The following COBLL1 variants were observed in gnomAD, a reference collection of about 807,000 sequenced individuals.
The protein encoded by COBLL1 is cordon-bleu WH2 repeat protein like 1, also known as cordon-bleu protein-like 1.
Under a neutral mutation model 94.8 loss-of-function variants are expected in COBLL1, and 50 were observed. The ratio of observed to expected loss-of-function variants is 0.53; its 90% CI spans 0.42 to 0.67. The LOEUF (loss-of-function observed/expected upper bound fraction) is 0.67. COBLL1 is among the 30% of genes least tolerant of loss of function. The pLI is 0.00. For synonymous variants in COBLL1, 448 were observed against 473.8 expected (o/e 0.95, Z 0.71); for missense variants, 1,362 against 1,348.7 (o/e 1.01, Z -0.15).
At chr2:164,728,225 T>C in intron 4 of COBLL1, 28 bp from the exon 5 acceptor site, 1 of 1,437,362 alleles carries the variant, frequency 7.0e-7, no homozygotes, top group African/African-American at 1.4e-5. Context: ...GCCATAGTTG[T>C]ACCATAATTC....
At chr2:164,760,465 T>C (rs1366501919) in intron 2 of COBLL1, among the ~76,000 whole-genome samples, 1 of 152,200 alleles carries the variant, frequency 6.6e-6, no homozygotes, top group African/African-American at 2.4e-5. Flanking sequence ...TGATAAAGAA[T>C]GGTGCAGTTA....
intron 7 of COBLL1, among the ~76,000 whole-genome samples, chr2:164,716,085 A>T (rs564357067): frequency 2.0e-5 from 3 of 152,326 alleles, no homozygotes; most frequent in Admixed American, 2.0e-4. Flanking sequence ...AGACCAGAAC[A>T]TCCTTTGGCC....
chr2:164,834,824 T>C (rs904985302), intron 2 of COBLL1, among the ~76,000 whole-genome samples: 13 of 152,220 alleles, frequency 8.5e-5, no homozygotes, highest in South Asian at 4.1e-4. Flanking sequence ...TTAAAACAGA[T>C]TGAAAAACAA....
At chr2:164,769,308 A>C (rs757374555) in intron 2 of COBLL1, among the ~76,000 whole-genome samples, 31 of 152,234 alleles carry the variant, frequency 2.0e-4, no homozygotes, top group Non-Finnish European at 2.9e-4. Context: ...GCCATTCAAC[A>C]ATCAGGCTGT....
chr2:164,798,554 G>C (rs1309974203), intron 2 of COBLL1, among the ~76,000 whole-genome samples: 1 of 152,232 alleles, frequency 6.6e-6, no homozygotes, highest in Admixed American at 6.5e-5. Flanking sequence ...TCAGGGCTGG[G>C]AAAGGAGTTG....
At chr2:164,773,669 A>G (rs569154102) in intron 2 of COBLL1, 6 of 885,814 alleles carry the variant, frequency 6.8e-6, no homozygotes, top group African/African-American at 1.8e-5. Flanking sequence ...AGGAAAGGTT[A>G]AATTATTTTA....
chr2:164,804,713 A>G (rs1015031688), intron 2 of COBLL1, among the ~76,000 whole-genome samples: 6 of 152,190 alleles, frequency 3.9e-5, no homozygotes, highest in Admixed American at 1.3e-4. Flanking sequence ...TCCATCATGA[A>G]GATTAGTTAA....
intron 4 of COBLL1, 103 bp downstream of exon 4, chr2:164,729,811 C>T: frequency 2.1e-6 from 2 of 969,978 alleles, no homozygotes; most frequent in South Asian, 1.5e-5. Context: ...ATAATACTCA[C>T]ATTCACATCA....
intron 10 of COBLL1, 34 bp downstream of exon 10, chr2:164,700,488 C>A: frequency 7.5e-7 from 1 of 1,325,482 alleles, no homozygotes; most frequent in Non-Finnish European, 1.1e-6. Context: ...ATTAAACTAA[C>A]GGCCACCAAC....
chr2:164,733,949 C>T (rs7574791), intron 3 of COBLL1, among the ~76,000 whole-genome samples: 23,241 of 152,126 alleles, frequency 0.15, 1,909 homozygotes, highest in East Asian at 0.3. Context: ...TAGAGTAATT[C>T]TAACACGCTG....
rs1391404603 is a variant in COBLL1 at position 164,667,153 on chromosome 2, G to C, written n.127-1252C>G. Among the ~76,000 whole-genome samples, 4 of 151,910 alleles carry C rather than the reference G, an allele frequency of 2.6e-5. No individual in the cohort carries two copies. The East Asian group carries it at 7.7e-4, about 29-fold the overall frequency. On this transcript the variant is annotated intron_variant and non_coding_transcript_variant, in intron 1 of 2. Coordinates refer to the COBLL1 transcript ENST00000495084. ...CTTCAACAGAGGTCCTGGGTGACTA[G>C]GTGCATTATCAATGAACAGTAATAT...
chr2:164,823,123 G>A (rs562856711), intron 2 of COBLL1, among the ~76,000 whole-genome samples: 1 of 152,106 alleles, frequency 6.6e-6, no homozygotes, highest in East Asian at 1.9e-4. Flanking sequence ...TGAGAGTATT[G>A]TTTACACTGC....
intron 2 of COBLL1, chr2:164,779,654 C>G (rs187445915): frequency 5.5e-5 from 26 of 470,910 alleles, no homozygotes; most frequent in African/African-American, 5.0e-4. Flanking sequence ...AGGACGGTCA[C>G]CTTACGGCAG....
At chr2:164,818,228 A>G (rs390603) in intron 2 of COBLL1, among the ~76,000 whole-genome samples, 101,710 of 147,654 alleles carry the variant, frequency 0.69, 36,846 homozygotes, top group African/African-American at 0.92. Flanking sequence ...ACATATATAC[A>G]TATGCATGTA....
chr2:164,698,748 G>A (rs1267174422), intron 11 of COBLL1, among the ~76,000 whole-genome samples: 1 of 151,898 alleles, frequency 6.6e-6, no homozygotes, highest in African/African-American at 2.4e-5. Flanking sequence ...GAACCGCAAA[G>A]CTTCTAATAA....
At chr2:164,785,048 C>T (rs1057447517) in intron 2 of COBLL1, among the ~76,000 whole-genome samples, 1 of 152,112 alleles carries the variant, frequency 6.6e-6, no homozygotes, top group Non-Finnish European at 1.5e-5. Flanking sequence ...CTTCTGCCTT[C>T]TGCCATGTGA....
At chr2:164,816,451 G>C (rs1316582424) in intron 2 of COBLL1, among the ~76,000 whole-genome samples, 5 of 152,072 alleles carry the variant, frequency 3.3e-5, no homozygotes, top group Non-Finnish European at 7.4e-5. Context: ...AAGACTTTTG[G>C]GAAGAGAAGG....
chr2:164,736,261 T>C (rs1246036796), intron 3 of COBLL1, among the ~76,000 whole-genome samples: 2 of 152,180 alleles, frequency 1.3e-5, no homozygotes, highest in Non-Finnish European at 2.9e-5. Context: ...ATCAATCTTA[T>C]GCTAACCCAT....
At chr2:164,833,104 A>C (rs907235559) in intron 2 of COBLL1, among the ~76,000 whole-genome samples, 2 of 152,162 alleles carry the variant, frequency 1.3e-5, no homozygotes, top group African/African-American at 4.8e-5. Context: ...CATGCCTGTA[A>C]TCCCAGCACT....
Sources: gnomAD v4.1 joint callset for allele counts (sites outside exome capture counted in the v4.1 genomes callset) on GRCh38, gnomAD v4.1.1 for gene constraint, MANE v1.5 for transcripts, NCBI Gene and HGNC (gene_info 2026-07-23, HGNC 2026-07-21) for gene names.